TAFA5: variants seen among roughly 807,000 people sequenced by gnomAD.
TAFA5 encodes chemokine-like protein TAFA-5.
A neutral mutation model predicts 15.3 loss-of-function variants in TAFA5; 6 were observed. That is an observed-to-expected ratio of 0.39 (90% CI 0.21 to 0.77). The LOEUF (loss-of-function observed/expected upper bound fraction) is 0.77. TAFA5 is among the 30% of genes least tolerant of loss of function. The pLI, the probability that TAFA5 is intolerant of heterozygous loss-of-function variation, is 0.41. For synonymous variants in TAFA5, 103 were observed against 80.7 expected, an observed-to-expected ratio of 1.28 and a Z score of -1.48; for missense variants, 161 against 193.1, an observed-to-expected ratio of 0.83 and a Z score of 0.98.
At chr22:48,634,590 C>T (rs986710699) in intron 1 of TAFA5, among the ~76,000 whole-genome samples, 1 of 152,164 alleles carries the variant, frequency 6.6e-6, no homozygotes, top group African/African-American at 2.4e-5. Flanking sequence ...TTCACCCACT[C>T]AGTCACTGAT....
At chr22:48,736,201 TGGAGTCC>T (rs2147270279) in intron 3 of TAFA5, among the ~76,000 whole-genome samples, 3 of 58,452 alleles carry the variant, frequency 5.1e-5, no homozygotes, top group East Asian at 2.9e-4. Context: ...ATCACACTCC[TGGAGTCC>T]AGAGTCCATC....
chr22:48,633,562 C>G (rs1439863836), intron 1 of TAFA5, among the ~76,000 whole-genome samples: 1 of 150,980 alleles, frequency 6.6e-6, no homozygotes, highest in Non-Finnish European at 1.5e-5. Context: ...CTCTCTCCAT[C>G]TCTCCATGCT....
At chr22:48,672,269 C>T (rs12485086) in intron 2 of TAFA5, among the ~76,000 whole-genome samples, 8,515 of 152,226 alleles carry the variant, frequency 0.056, 306 homozygotes, top group East Asian at 0.14. Flanking sequence ...CTTGCATCTG[C>T]GTGCAATACA....
intron 1 of TAFA5, among the ~76,000 whole-genome samples, chr22:48,558,264 T>G (rs1056510727): frequency 6.6e-6 from 1 of 152,212 alleles, no homozygotes; most frequent in Non-Finnish European, 1.5e-5. Context: ...AGCCGGCAAA[T>G]CATCGTCTGC....
intron 1 of TAFA5, among the ~76,000 whole-genome samples, chr22:48,602,516 C>T (rs775981317): frequency 1.5e-4 from 23 of 152,218 alleles, no homozygotes; most frequent in Non-Finnish European, 2.9e-4. Context: ...TTGAGTACCT[C>T]TCACCCCCTT....
chr22:48,653,679 A>C (rs1927136616), intron 2 of TAFA5, among the ~76,000 whole-genome samples: 1 of 152,202 alleles, frequency 6.6e-6, no homozygotes, highest in African/African-American at 2.4e-5. Flanking sequence ...AAAACCACAC[A>C]GTAGCTGCAT....
At chr22:48,655,715 G>A (rs1266386715) in intron 2 of TAFA5, among the ~76,000 whole-genome samples, 1 of 152,082 alleles carries the variant, frequency 6.6e-6, no homozygotes, top group Non-Finnish European at 1.5e-5. Context: ...TCTTAACGCA[G>A]CTGTGGCCTC....
At position 48,594,784 on chromosome 22, in the gene TAFA5, A is replaced by T. The variant is rs372341748; in HGVS notation, c.113-51813A>T. Among the ~76,000 whole-genome samples, 23 of 152,264 alleles carry T rather than the reference A, an allele frequency of 1.5e-4. No individual in the cohort carries two copies. The East Asian group carries it at 4.1e-3, about 27-fold the overall frequency. On this transcript the variant is annotated intron_variant, in intron 1 of 3. Transcript: ENST00000402357. ...GACAGATAGCAGTGCAGACAGACGG[A>T]TGGGCGTAAGGACGGGCGCCCTGCC...
chr22:48,691,289 T>C (rs1928533730), intron 2 of TAFA5, among the ~76,000 whole-genome samples: 1 of 152,206 alleles, frequency 6.6e-6, no homozygotes, highest in Non-Finnish European at 1.5e-5. Context: ...AAGGGTCTGA[T>C]GGAAGGATGG....
intron 1 of TAFA5, among the ~76,000 whole-genome samples, chr22:48,491,049 G>A (rs1219042153): frequency 6.6e-6 from 1 of 152,222 alleles, no homozygotes; most frequent in Non-Finnish European, 1.5e-5. Context: ...TAGAAATGCT[G>A]TGGCACCGAG....
intron 1 of TAFA5, among the ~76,000 whole-genome samples, chr22:48,559,999 G>C (rs1023011386): frequency 4.6e-5 from 7 of 152,192 alleles, no homozygotes; most frequent in African/African-American, 1.7e-4. Flanking sequence ...GTGGGTGTGA[G>C]GGTCTGGGCA....
chr22:48,672,742 T>C (rs1256436304), intron 2 of TAFA5, among the ~76,000 whole-genome samples: 1 of 152,232 alleles, frequency 6.6e-6, no homozygotes, highest in Non-Finnish European at 1.5e-5. Context: ...TTGACACCTT[T>C]GGGCACTTTG....
chr22:48,621,590 C>G (rs1380796291), intron 1 of TAFA5, among the ~76,000 whole-genome samples: 1 of 152,076 alleles, frequency 6.6e-6, no homozygotes, highest in Non-Finnish European at 1.5e-5. Context: ...GCCTGGTGTC[C>G]CAGGGTGAAA....
chr22:48,642,169 C>G (rs1213787985), intron 1 of TAFA5, among the ~76,000 whole-genome samples: 1 of 152,152 alleles, frequency 6.6e-6, no homozygotes, highest in Non-Finnish European at 1.5e-5. Flanking sequence ...CGTGGGGCAG[C>G]CTGGTGGAGC....
chr22:48,680,956 C>CGGCTTCT, intron 2 of TAFA5, among the ~76,000 whole-genome samples: 2 of 152,240 alleles, frequency 1.3e-5, no homozygotes, highest in South Asian at 4.1e-4. Context: ...GCTCCCACCA[C>CGGCTTCT]GGCTTCTGGA....
intron 3 of TAFA5, among the ~76,000 whole-genome samples, chr22:48,708,433 C>G (rs1010029241): frequency 2.6e-5 from 4 of 152,222 alleles, no homozygotes; most frequent in African/African-American, 9.6e-5. Context: ...GTCTCTAGAG[C>G]TGCTCTTCCC....
intron 1 of TAFA5, among the ~76,000 whole-genome samples, chr22:48,555,723 C>T (rs1274812524): frequency 1.3e-5 from 2 of 152,114 alleles, no homozygotes; most frequent in South Asian, 2.1e-4. Context: ...GGACCTTGTC[C>T]GATCCCCTGA....
chr22:48,622,519 G>A (rs1925876366), intron 1 of TAFA5, among the ~76,000 whole-genome samples: 1 of 152,194 alleles, frequency 6.6e-6, no homozygotes, highest in Non-Finnish European at 1.5e-5. Flanking sequence ...AGGGGAGCTG[G>A]GCTTGGTGTC....
intron 1 of TAFA5, among the ~76,000 whole-genome samples, chr22:48,528,644 T>TTA (rs1484632254): frequency 9.2e-5 from 14 of 152,306 alleles, no homozygotes; most frequent in African/African-American, 3.4e-4. Context: ...GTTTGTGTAA[T>TTA]TAACCAATGC....
Sources: gnomAD v4.1 joint callset for allele counts (sites outside exome capture counted in the v4.1 genomes callset) on GRCh38, gnomAD v4.1.1 for gene constraint, MANE v1.5 for transcripts, NCBI Gene and HGNC (gene_info 2026-07-23, HGNC 2026-07-21) for gene names.